The following MICAL3 variants were observed in gnomAD, a reference collection of about 807,000 sequenced individuals.
MICAL3 encodes the protein microtubule associated monooxygenase, calponin and LIM domain containing 3.
Under a neutral mutation model 207.4 loss-of-function variants are expected in MICAL3, and 62 were observed. The ratio of observed to expected loss-of-function variants is 0.30; its 90% CI spans 0.24 to 0.37. MICAL3 has a LOEUF of 0.37. MICAL3 is among the 10% of genes least tolerant of loss of function. The probability of loss-of-function intolerance (pLI) is 1.00; values close to 1 mark genes in which losing one functional copy is unlikely to be tolerated. For synonymous variants in MICAL3, 1,077 were observed against 1,069.3 expected, an observed-to-expected ratio of 1.01 and a Z score of -0.14; for missense variants, 2,368 against 2,635.6, an observed-to-expected ratio of 0.90 and a Z score of 2.22.
At chr22:17,846,645 C>A (rs2111546) in intron 19 of MICAL3, among the ~76,000 whole-genome samples, 63,163 of 152,020 alleles carry the variant, frequency 0.42, 14,857 homozygotes, top group African/African-American at 0.65. Flanking sequence ...GCTGGATTGC[C>A]AAGCCGAAGT....
At chr22:17,866,673 A>AATAGAATAGAATAGAATAGAAT (rs1927190939) in intron 17 of MICAL3, among the ~76,000 whole-genome samples, 1 of 138,756 alleles carries the variant, frequency 7.2e-6, no homozygotes, top group Admixed American at 7.2e-5. Context: ...TAGAATATAG[A>AATAGAATAGAATAGAATAGAAT]ATAGAATAGA....
intron 19 of MICAL3, among the ~76,000 whole-genome samples, chr22:17,846,971 G>A (rs1326930994): frequency 6.6e-6 from 1 of 152,202 alleles, no homozygotes; most frequent in East Asian, 1.9e-4. Context: ...ACATCATTCT[G>A]GAAGAAACGT....
At chr22:17,816,881 G>A (rs1459627439) in intron 26 of MICAL3, 97 bp from the exon 27 acceptor site, 4 of 893,832 alleles carry the variant, frequency 4.5e-6, no homozygotes, top group Admixed American at 2.2e-5. Context: ...GAGGCCGGGT[G>A]GGGGGCTGGA....
chr22:17,823,102 C>T, intron 22 of MICAL3, 42 bp from the exon 23 acceptor site: 1 of 1,325,366 alleles, frequency 7.5e-7, no homozygotes, highest in East Asian at 2.3e-5. Flanking sequence ...AAAAGGAGGA[C>T]AGACAGACAG....
rs751920592 is a variant in MICAL3 at position 17,896,776 on chromosome 22, T to C, written c.1154A>G (p.Glu385Gly). The change falls in exon 8 of 32, where the codon GAG becomes GGG. Residue 385 changes from glutamate to glycine, a missense_variant. Glu to Gly is a moderately conservative substitution (Grantham distance 98, BLOSUM62 -2). Coordinates refer to ENST00000441493, the MANE Select transcript of MICAL3 (RefSeq NM_015241.3). The part of the protein sequence containing the change: ...YASENAALVR[E>G]QNGHQLLVAL... ...CACTAGTAACTGGTGTCCGTTCTGC[T>C]CCCGCACCAAGGCGGCGTTCTCGGA... 1 of 1,613,790 alleles carries C rather than the reference T, an allele frequency of 6.2e-7. No individual in the cohort carries two copies. Among genetic ancestry groups the C allele is most frequent in the Non-Finnish European group, 8.5e-7 (1 of 1,179,918 alleles).
Position 17,985,786 on chromosome 22 carries a change from C to G in MICAL3, c.-75+38495G>C, listed in dbSNP as rs74389092. Reference sequence around the variant, plus strand: ...GAGATCAGAGTCTGCAGAGGCCACTCGCATCTTCACCCTCCTTTAGGACCC... The same window carrying G: ...GAGATCAGAGTCTGCAGAGGCCACTGGCATCTTCACCCTCCTTTAGGACCC... On this transcript the variant is annotated intron_variant, in intron 1 of 31. Transcript: ENST00000441493. 9.2e-5 allele frequency among the ~76,000 whole-genome samples: 14 copies of G among 152,236 alleles called. No homozygotes were observed. The East Asian group carries it at 1.4e-3, about 15-fold the overall frequency.
chr22:17,972,263 A>T (rs554109784), intron 1 of MICAL3, among the ~76,000 whole-genome samples: 1 of 152,350 alleles, frequency 6.6e-6, no homozygotes, highest in South Asian at 2.1e-4. Flanking sequence ...AAGAAAATAT[A>T]TATCCTGAGG....
At chr22:17,864,316 G>A (rs926014294) in intron 19 of MICAL3, 12 of 1,167,654 alleles carry the variant, frequency 1.0e-5, no homozygotes, top group Admixed American at 4.1e-5. Context: ...GTCAGGACAG[G>A]GCATGTCCCA....
chr22:17,946,871 G>A (rs142452280), intron 1 of MICAL3, among the ~76,000 whole-genome samples: 1 of 152,210 alleles, frequency 6.6e-6, no homozygotes, highest in African/African-American at 2.4e-5. Flanking sequence ...CTTCCCTGGG[G>A]AACACCCCTC....
chr22:17,812,394 T>G (rs1298765694), intron 27 of MICAL3: 1 of 357,364 alleles, frequency 2.8e-6, no homozygotes, highest in Non-Finnish European at 3.9e-6. Context: ...CACAGCCCCA[T>G]GCACGCACAA....
At chr22:17,821,988 AG>A in intron 24 of MICAL3, 41 bp downstream of exon 24, 1 of 1,605,648 alleles carries the variant, frequency 6.2e-7, no homozygotes, top group Non-Finnish European at 8.5e-7. Flanking sequence ...TGGCCCTCGT[AG>A]GAATTCTGAA....
intron 27 of MICAL3, chr22:17,813,825 C>T (rs1358803719): frequency 6.6e-6 from 1 of 152,142 alleles, no homozygotes; most frequent in Non-Finnish European, 1.5e-5. Context: ...GGCAGGGTAC[C>T]CAGGCCACAC....
At chr22:17,898,371 A>G (rs1439385506) in intron 7 of MICAL3, among the ~76,000 whole-genome samples, 1 of 152,250 alleles carries the variant, frequency 6.6e-6, no homozygotes, top group Non-Finnish European at 1.5e-5. Context: ...AGTGGGCTGT[A>G]TAAACAGCTT....
At chr22:17,868,787 G>A (rs1399625685) in intron 17 of MICAL3, among the ~76,000 whole-genome samples, 1 of 152,134 alleles carries the variant, frequency 6.6e-6, no homozygotes, top group Non-Finnish European at 1.5e-5. Flanking sequence ...CCAGGCCCGA[G>A]TGCCACTGTA....
chr22:17,866,057 G>A (rs2277832), intron 17 of MICAL3, 45 bp from the exon 18 acceptor site: 159,077 of 1,468,908 alleles, frequency 0.11, 9,585 homozygotes, highest in East Asian at 0.22. Flanking sequence ...AGCCAGGCAC[G>A]GATCCTGAAC....
At chr22:17,929,014 C>T (rs1039618649) in intron 1 of MICAL3, among the ~76,000 whole-genome samples, 1 of 151,386 alleles carries the variant, frequency 6.6e-6, no homozygotes, top group Non-Finnish European at 1.5e-5. Context: ...AGGATGGTCT[C>T]GAACTCCTGA....
intron 1 of MICAL3, among the ~76,000 whole-genome samples, chr22:17,914,388 A>G (rs1932342140): frequency 6.6e-6 from 1 of 152,176 alleles, no homozygotes; most frequent in Admixed American, 6.5e-5. Flanking sequence ...CGCCTATGGC[A>G]TCTTCACCAC....
intron 19 of MICAL3, chr22:17,860,451 C>G: frequency 1.0e-6 from 1 of 985,452 alleles, no homozygotes; most frequent in Non-Finnish European, 1.2e-6. Flanking sequence ...GCTGGCTGTC[C>G]GCCCCTCCCG....
intron 1 of MICAL3, among the ~76,000 whole-genome samples, chr22:18,017,329 T>C (rs916134032): frequency 6.6e-6 from 1 of 152,040 alleles, no homozygotes; most frequent in African/African-American, 2.4e-5. Flanking sequence ...TTCTCCTGCC[T>C]CAGCCTCCTG....
Sources: gnomAD v4.1 joint callset for allele counts (sites outside exome capture counted in the v4.1 genomes callset) on GRCh38, gnomAD v4.1.1 for gene constraint, MANE v1.5 for transcripts, NCBI Gene and HGNC (gene_info 2026-07-23, HGNC 2026-07-21) for gene names.